The following GALNTL6 variants were observed in gnomAD, a reference collection of about 807,000 sequenced individuals.
The protein encoded by GALNTL6 is polypeptide N-acetylgalactosaminyltransferase-like 6.
Under a neutral mutation model 73.7 loss-of-function variants are expected in GALNTL6, and 46 were observed. The observed-to-expected ratio is 0.62, with a 90% CI of 0.49 to 0.80. GALNTL6 has a LOEUF of 0.80. GALNTL6 is among the 30% of genes least tolerant of loss of function. GALNTL6 has a pLI of 0.00. For synonymous variants in GALNTL6, 259 were observed against 263.7 expected, an observed-to-expected ratio of 0.98 and a Z score of 0.17; for missense variants, 604 against 755.0, an observed-to-expected ratio of 0.80 and a Z score of 2.34.
chr4:172,659,438 C>T (rs560062614), intron 5 of GALNTL6, among the ~76,000 whole-genome samples: 250 of 152,198 alleles, frequency 1.6e-3, no homozygotes, highest in Non-Finnish European at 2.6e-3. Context: ...TAACTGTAGT[C>T]GTCCTATGGT....
intron 5 of GALNTL6, among the ~76,000 whole-genome samples, chr4:172,734,226 A>G (rs1015392040): frequency 6.6e-6 from 1 of 152,212 alleles, no homozygotes; most frequent in African/African-American, 2.4e-5. Flanking sequence ...GAGGCAGACG[A>G]TAAAAGTTTG....
intron 2 of GALNTL6, among the ~76,000 whole-genome samples, chr4:171,979,710 T>C (rs1267525289): frequency 3.9e-5 from 6 of 152,128 alleles, no homozygotes; most frequent in Admixed American, 6.6e-5. Context: ...CTATAGCACA[T>C]ATCAGGGAGA....
intron 3 of GALNTL6, among the ~76,000 whole-genome samples, chr4:172,310,235 T>C (rs1740304613): frequency 6.6e-6 from 1 of 152,164 alleles, no homozygotes; most frequent in Non-Finnish European, 1.5e-5. Context: ...TACATAGCAT[T>C]TTAAAGCAGG....
intron 2 of GALNTL6, among the ~76,000 whole-genome samples, chr4:172,052,941 T>C (rs956695340): frequency 6.6e-6 from 1 of 152,092 alleles, no homozygotes; most frequent in Non-Finnish European, 1.5e-5. Context: ...TTCAAAACAA[T>C]AGTTACATGA....
At chr4:172,131,727 A>G (rs1190543723) in intron 2 of GALNTL6, among the ~76,000 whole-genome samples, 1 of 151,746 alleles carries the variant, frequency 6.6e-6, no homozygotes, top group African/African-American at 2.4e-5. Flanking sequence ...GTGTTTTCTT[A>G]CAGAGTAGAT....
At chr4:172,959,273 G>A (rs902069918) in intron 10 of GALNTL6, among the ~76,000 whole-genome samples, 1 of 152,036 alleles carries the variant, frequency 6.6e-6, no homozygotes, top group Admixed American at 6.6e-5. Context: ...GGGAAAAGGT[G>A]GCAATGAGGT....
At chr4:173,011,508 A>C (rs747947365) in intron 11 of GALNTL6, among the ~76,000 whole-genome samples, 4 of 152,142 alleles carry the variant, frequency 2.6e-5, no homozygotes, top group African/African-American at 4.8e-5. Context: ...TTAAGTCTTT[A>C]ATCCATTTTA....
rs1406480708 is a variant in GALNTL6 at position 172,357,944 on chromosome 4, C to T, written c.553+9255C>T. On this transcript the variant is annotated intron_variant, in intron 5 of 12. Coordinates refer to ENST00000506823, the MANE Select transcript of GALNTL6 (RefSeq NM_001034845.3). ...TTTTGAGTTTGAAATAAAATTTAAG[C>T]AATTCTTTTTTTGATTGGGTCCATG... Among the ~76,000 whole-genome samples the T allele has an allele frequency of 3.3e-5, 5 of 152,102 alleles. No individual in the cohort carries two copies. The South Asian group carries it at 6.2e-4, about 19-fold the overall frequency.
At chr4:172,937,263 A>G (rs1748668979) in intron 9 of GALNTL6, among the ~76,000 whole-genome samples, 1 of 152,198 alleles carries the variant, frequency 6.6e-6, no homozygotes, top group Non-Finnish European at 1.5e-5. Context: ...AAAGAAATTA[A>G]CATTTCGAAT....
intron 2 of GALNTL6, among the ~76,000 whole-genome samples, chr4:171,846,138 T>C (rs1263215012): frequency 1.3e-5 from 2 of 152,192 alleles, no homozygotes; most frequent in African/African-American, 2.4e-5. Context: ...TTTCTGATAT[T>C]TCCCATCATG....
At chr4:172,722,154 A>G (rs1335342558) in intron 5 of GALNTL6, among the ~76,000 whole-genome samples, 1 of 132,946 alleles carries the variant, frequency 7.5e-6, no homozygotes, top group African/African-American at 2.5e-5. Flanking sequence ...CTTTGTCTTT[A>G]ATAGATTCAA....
At chr4:171,890,096 G>A (rs77696377) in intron 2 of GALNTL6, among the ~76,000 whole-genome samples, 3,049 of 152,200 alleles carry the variant, frequency 0.02, 90 homozygotes, top group African/African-American at 0.069. Flanking sequence ...TAAAGGAATA[G>A]TTAAAGTTTC....
chr4:172,432,999 C>T (rs970959715), intron 5 of GALNTL6, among the ~76,000 whole-genome samples: 3 of 152,092 alleles, frequency 2.0e-5, no homozygotes, highest in Non-Finnish European at 4.4e-5. Flanking sequence ...GTTTGCTGTT[C>T]CTTGTATCTT....
At chr4:172,595,702 G>A (rs1737824887) in intron 5 of GALNTL6, among the ~76,000 whole-genome samples, 1 of 152,116 alleles carries the variant, frequency 6.6e-6, no homozygotes, top group Admixed American at 6.6e-5. Flanking sequence ...AATTTCATCA[G>A]AGTATCACCT....
At chr4:172,907,431 C>G (rs905710209) in intron 8 of GALNTL6, among the ~76,000 whole-genome samples, 3 of 152,158 alleles carry the variant, frequency 2.0e-5, no homozygotes, top group African/African-American at 7.2e-5. Flanking sequence ...TGAGCTTTCA[C>G]AGGTATGTTT....
chr4:172,228,882 A>T (rs979218514), intron 2 of GALNTL6, among the ~76,000 whole-genome samples: 1 of 152,246 alleles, frequency 6.6e-6, no homozygotes, highest in African/African-American at 2.4e-5. Context: ...TGACATTATA[A>T]CATATCGGAC....
At chr4:172,612,022 C>T (rs1015762987) in intron 5 of GALNTL6, among the ~76,000 whole-genome samples, 3 of 152,014 alleles carry the variant, frequency 2.0e-5, no homozygotes, top group Admixed American at 1.3e-4. Context: ...GTCTCAGTCT[C>T]GTCATCTATT....
chr4:172,319,193 G>T (rs1740673263), intron 4 of GALNTL6, among the ~76,000 whole-genome samples: 1 of 152,152 alleles, frequency 6.6e-6, no homozygotes. Context: ...TTCCAAATCA[G>T]CAAGCCATGT....
chr4:171,915,890 C>T (rs1433253243), intron 2 of GALNTL6, among the ~76,000 whole-genome samples: 1 of 151,992 alleles, frequency 6.6e-6, no homozygotes, highest in Non-Finnish European at 1.5e-5. Context: ...TCTGTAAACA[C>T]CTTAATTCTC....
Sources: allele counts gnomAD v4.1 joint callset (sites outside exome capture counted in the v4.1 genomes callset), GRCh38; gene constraint gnomAD v4.1.1; transcripts MANE v1.5; gene names NCBI Gene and HGNC (gene_info 2026-07-23, HGNC 2026-07-21).